The following DDX31 variants were observed in gnomAD, a reference collection of about 807,000 sequenced individuals.
DDX31 encodes the protein ATP-dependent DNA helicase DDX31.
In DDX31, 70 loss-of-function variants were observed where a neutral mutation model predicts 91.3. The ratio of observed to expected loss-of-function variants is 0.77; its 90% confidence interval spans 0.63 to 0.94. The LOEUF is 0.94. Among genes scored for constraint, DDX31 ranks in the 40% least tolerant of loss-of-function variants. DDX31 has a pLI of 0.00. For synonymous variants in DDX31, 362 were observed against 350.6 expected, an observed-to-expected ratio of 1.03 and a Z score of -0.36; for missense variants, 902 against 925.0, an observed-to-expected ratio of 0.98 and a Z score of 0.32.
chr9:132,594,227 A>G lies in DDX31; in HGVS notation c.*639T>C, dbSNP rs1830324084. 6.6e-6 allele frequency: 1 copy of G among 152,256 alleles called. No individual in the cohort carries two copies. The highest frequency in any genetic ancestry group is 1.5e-5 in the Non-Finnish European group (1 of 68,054). The allele number at this position is 152,256 out of a possible 1,614,324, so 9.4% of individuals were successfully genotyped here. The stretch of plus-strand genomic sequence containing the variant: ...AGTGAGTTTTCAGTGGACATGAAAG[A>G]GGGAGCAATGCATGTAAATGCAACC... On this transcript the variant is annotated 3_prime_UTR_variant, in exon 20 of 20. Transcript: ENST00000372159.
chr9:132,625,677 C>G lies in DDX31; in HGVS notation c.1700G>C (p.Arg567Pro). 6.2e-7 allele frequency: 1 copy of G among 1,613,860 alleles called. No homozygotes were observed. The highest frequency in any genetic ancestry group is 2.2e-5 in the East Asian group (1 of 44,886). Residue 567 changes from arginine to proline, a missense_variant, in exon 17 of 20, where the codon CGA (arginine) becomes CCA (proline). By Grantham distance (103) the Arg-to-Pro change is moderately radical. Coordinates refer to ENST00000372159, the MANE Select transcript of DDX31 (RefSeq NM_022779.9). ...LTRDDCFKGKRWGAQKSHAVG... is the reference protein window; with the variant it reads ...LTRDDCFKGKPWGAQKSHAVG... ...AACAAAACTCACCTGGGCTCCCCAT[C>G]GTTTCCCTTTAAAACAATCATCTCT...
chr9:132,646,709 A>G (rs1280344723), intron 12 of DDX31, 114 bp downstream of exon 12: 10 of 959,938 alleles, frequency 1.0e-5, no homozygotes, highest in Middle Eastern at 3.3e-4. Flanking sequence ...GAATGCAGAC[A>G]TAAGTTGGAA....
At chr9:132,649,963 C>T (rs1432888554) in intron 9 of DDX31, among the ~76,000 whole-genome samples, 1 of 152,124 alleles carries the variant, frequency 6.6e-6, no homozygotes, top group Non-Finnish European at 1.5e-5. Flanking sequence ...ACCAGGGATG[C>T]TATAGAGCAT....
At chr9:132,640,410 G>C (rs567436634) in intron 14 of DDX31, among the ~76,000 whole-genome samples, 1 of 152,324 alleles carries the variant, frequency 6.6e-6, no homozygotes, top group Non-Finnish European at 1.5e-5. Context: ...TAGGGAGCAA[G>C]GGGGAGTAGG....
intron 14 of DDX31, among the ~76,000 whole-genome samples, chr9:132,639,114 C>T (rs1021194166): frequency 1.3e-5 from 2 of 152,090 alleles, no homozygotes; most frequent in Admixed American, 1.3e-4. Context: ...CTTAAAAGGA[C>T]GCAGAGTGGC....
At chr9:132,603,121 C>G (rs943412807) in intron 19 of DDX31, among the ~76,000 whole-genome samples, 1 of 152,184 alleles carries the variant, frequency 6.6e-6, no homozygotes, top group Admixed American at 6.5e-5. Flanking sequence ...GGACTCAGCT[C>G]AGCAGAGAAC....
At chr9:132,615,474 T>C (rs548355834) in intron 18 of DDX31, among the ~76,000 whole-genome samples, 1 of 152,060 alleles carries the variant, frequency 6.6e-6, no homozygotes, top group East Asian at 1.9e-4. Flanking sequence ...TCCCTGCTGT[T>C]CTCTTCAAGA....
chr9:132,638,888 C>T (rs1482862782), intron 14 of DDX31, among the ~76,000 whole-genome samples: 1 of 152,180 alleles, frequency 6.6e-6, no homozygotes, highest in Non-Finnish European at 1.5e-5. Context: ...GACATTCATT[C>T]TGGCCTTGTT....
intron 13 of DDX31, 108 bp from the exon 14 acceptor site, chr9:132,642,171 A>C: frequency 2.1e-6 from 2 of 936,992 alleles, no homozygotes. Flanking sequence ...AGCTATTTTC[A>C]GGCACAGAGA....
At chr9:132,630,466 C>T in intron 15 of DDX31, 63 bp from the exon 16 acceptor site, 3 of 1,474,370 alleles carry the variant, frequency 2.0e-6, no homozygotes, top group African/African-American at 1.4e-5. Flanking sequence ...ATTGGAAGTG[C>T]AATACTCCTC....
intron 19 of DDX31, among the ~76,000 whole-genome samples, chr9:132,609,296 T>G (rs1339396499): frequency 6.6e-6 from 1 of 152,122 alleles, no homozygotes; most frequent in African/African-American, 2.4e-5. Flanking sequence ...AGCCCATTCT[T>G]CCCTAAATAA....
intron 19 of DDX31, among the ~76,000 whole-genome samples, chr9:132,597,782 C>A (rs1298055180): frequency 1.3e-5 from 2 of 152,156 alleles, no homozygotes; most frequent in African/African-American, 2.4e-5. Flanking sequence ...CCACCGGGGC[C>A]ACTTCTACAG....
At chr9:132,654,310 TTTAAAA>T (rs1283002639) in intron 6 of DDX31, among the ~76,000 whole-genome samples, 1 of 152,138 alleles carries the variant, frequency 6.6e-6, no homozygotes, top group Non-Finnish European at 1.5e-5. Context: ...TAATTCAATC[TTTAAAA>T]AAAGACCAAC....
At chr9:132,623,027 G>C (rs1407435595) in intron 17 of DDX31, among the ~76,000 whole-genome samples, 1 of 151,898 alleles carries the variant, frequency 6.6e-6, no homozygotes, top group Non-Finnish European at 1.5e-5. Flanking sequence ...CTACTTGGGA[G>C]GCTGAGGCAG....
intron 19 of DDX31, among the ~76,000 whole-genome samples, chr9:132,604,776 T>C (rs562658602): frequency 6.6e-6 from 1 of 152,300 alleles, no homozygotes; most frequent in South Asian, 2.1e-4. Flanking sequence ...CTTCTGGTGG[T>C]CCTAACTGTT....
intron 11 of DDX31, 149 bp downstream of exon 11, chr9:132,648,040 G>T: frequency 1.6e-6 from 1 of 617,984 alleles, no homozygotes; most frequent in Non-Finnish European, 2.8e-6. Flanking sequence ...AGAACATAGA[G>T]TTTGAAAAGG....
intron 14 of DDX31, chr9:132,637,713 CGA>C (rs1266041226): frequency 1.9e-6 from 1 of 536,178 alleles, no homozygotes; most frequent in African/African-American, 2.1e-5. Flanking sequence ...CTGTCAGAGG[CGA>C]GAGATCTTGG....
intron 5 of DDX31, among the ~76,000 whole-genome samples, chr9:132,659,484 T>C (rs768379139): frequency 2.0e-5 from 3 of 152,200 alleles, no homozygotes; most frequent in African/African-American, 4.8e-5. Context: ...GAGGAAATTA[T>C]AGCCGAACCT....
At chr9:132,663,181 C>T (rs1216750356) in intron 1 of DDX31, 12 of 1,289,118 alleles carry the variant, frequency 9.3e-6, no homozygotes, top group South Asian at 3.7e-5. Flanking sequence ...AGGGGGAATG[C>T]GCATCTCAGC....
Sources: allele counts gnomAD v4.1 joint callset (sites outside exome capture counted in the v4.1 genomes callset), GRCh38; gene constraint gnomAD v4.1.1; transcripts MANE v1.5; gene names NCBI Gene and HGNC (gene_info 2026-07-23, HGNC 2026-07-21).